CALD1: variants seen among roughly 807,000 people sequenced by gnomAD.
CALD1 encodes caldesmon 1, also known as caldesmon.
A neutral mutation model predicts 99.9 loss-of-function variants in CALD1; 33 were observed. The observed-to-expected ratio is 0.33, with a 90% CI of 0.25 to 0.44. The LOEUF (loss-of-function observed/expected upper bound fraction) is 0.44, where lower values mean the gene tolerates loss of function less well. Among genes scored for constraint, CALD1 ranks in the 20% least tolerant of loss-of-function variants. The pLI is 1.00. For synonymous variants in CALD1, 310 were observed against 325.0 expected, an observed-to-expected ratio of 0.95 and a Z score of 0.50; for missense variants, 861 against 962.1, an observed-to-expected ratio of 0.89 and a Z score of 1.39.
rs776987519 is a variant in CALD1 at position 134,935,719 on chromosome 7, A to G, written c.1340A>G (p.Lys447Arg). The G allele has an allele frequency of 1.2e-6, 2 of 1,606,022 alleles. No individual in the cohort carries two copies. Among genetic ancestry groups the G allele is most frequent in the Non-Finnish European group, 1.7e-6 (2 of 1,176,938 alleles). Reference sequence around the variant, plus strand: ...GAGAAGGGAACTAAAGTGCAAGCTAAAAGAGAAAAGCTCCAAGAAGACAAG... The same window carrying G: ...GAGAAGGGAACTAAAGTGCAAGCTAGAAGAGAAAAGCTCCAAGAAGACAAG... ...GEEKGTKVQAKREKLQEDKPT... is the reference protein window; with the variant it reads ...GEEKGTKVQARREKLQEDKPT... The change falls in exon 6 of 15, where the codon AAA (lysine) becomes AGA (arginine). Residue 447 changes from lysine (K) to arginine (R), a missense_variant. Physicochemically the swap from Lys to Arg is conservative, Grantham distance 26. Around this residue, in one of 5 missense-constraint regions of CALD1, gnomAD observed 293 missense variants for 262.7 expected, o/e 1.12. Coordinates refer to ENST00000361675, the MANE Select transcript of CALD1 (RefSeq NM_033138.4).
intron 2 of CALD1, among the ~76,000 whole-genome samples, chr7:134,857,155 A>ATTTT (rs1800336835): frequency 1.0e-5 from 1 of 96,144 alleles, no homozygotes; most frequent in African/African-American, 4.4e-5. Flanking sequence ...GTTTTGCGCT[A>ATTTT]TTCTTTTTTT....
intron 3 of CALD1, among the ~76,000 whole-genome samples, chr7:134,923,013 C>T (rs1804731114): frequency 6.6e-6 from 1 of 152,184 alleles, no homozygotes; most frequent in South Asian, 2.1e-4. Context: ...TTTCATGCTA[C>T]TCGTACAATC....
intron 3 of CALD1, among the ~76,000 whole-genome samples, chr7:134,878,327 G>A (rs1801443342): frequency 6.6e-6 from 1 of 152,136 alleles, no homozygotes; most frequent in Admixed American, 6.5e-5. Flanking sequence ...TCAGCACTTT[G>A]GGAGGCTGAG....
chr7:134,897,917 C>A (rs900351230), intron 3 of CALD1, among the ~76,000 whole-genome samples: 1 of 151,922 alleles, frequency 6.6e-6, no homozygotes, highest in Non-Finnish European at 1.5e-5. Flanking sequence ...CTGTATTGCC[C>A]ATGCTGGTCT....
chr7:134,827,816 C>T (rs71530948), intron 1 of CALD1, among the ~76,000 whole-genome samples: 3 of 152,260 alleles, frequency 2.0e-5, no homozygotes, highest in African/African-American at 7.2e-5. Context: ...TTAAAGCTAC[C>T]GGATTTAACA....
chr7:134,903,559 G>A (rs910490381), intron 3 of CALD1, among the ~76,000 whole-genome samples: 2 of 152,120 alleles, frequency 1.3e-5, no homozygotes, highest in Non-Finnish European at 2.9e-5. Context: ...CACTTCTGGT[G>A]GTTTGGCAGC....
At chr7:134,821,688 T>G (rs1262435211) in intron 1 of CALD1, among the ~76,000 whole-genome samples, 1 of 150,048 alleles carries the variant, frequency 6.7e-6, no homozygotes, top group Non-Finnish European at 1.5e-5. Context: ...GTTCAAGTGA[T>G]TCTCCTGCCT....
upstream of CALD1, among the ~76,000 whole-genome samples, chr7:134,744,074 G>A (rs1478685211): frequency 6.6e-6 from 1 of 152,216 alleles, no homozygotes; most frequent in Non-Finnish European, 1.5e-5. Flanking sequence ...AGCCATGGTC[G>A]AGGGGAAGAC....
At chr7:134,902,375 T>A (rs773146273) in intron 3 of CALD1, among the ~76,000 whole-genome samples, 7 of 152,130 alleles carry the variant, frequency 4.6e-5, no homozygotes, top group Non-Finnish European at 8.8e-5. Context: ...TTCCCTTTCC[T>A]GTATATATGT....
chr7:134,821,930 T>C (rs1410145184), intron 1 of CALD1: 1 of 152,112 alleles, frequency 6.6e-6, no homozygotes, highest in Non-Finnish European at 1.5e-5. Context: ...TAGAGAGAGA[T>C]AGTTGACTCT....
intron 3 of CALD1, among the ~76,000 whole-genome samples, chr7:134,908,511 C>G (rs906125331): frequency 2.6e-5 from 4 of 152,144 alleles, no homozygotes; most frequent in Non-Finnish European, 5.9e-5. Context: ...CCACAGTGTT[C>G]TTAAGTCACT....
rs10259303 is a variant in CALD1, at chr7:134,821,298, C to T, written c.-129-22586C>T. ...CTTTTAGTTTTTTTCATAATTTTAA[C>T]TTTTAAAAACCCATATCTCATTGTA... On this transcript the variant is annotated intron_variant, in intron 1 of 14. Transcript: ENST00000361675. Among the ~76,000 whole-genome samples the T allele has an allele frequency of 1.2e-3, 190 of 152,068 alleles. 1 individual carries two copies. Among genetic ancestry groups the T allele is most frequent in the African/African-American group, 4.3e-3 (178 of 41,518 alleles).
At chr7:134,958,856 G>C (rs1355243642) in intron 11 of CALD1, among the ~76,000 whole-genome samples, 1 of 129,130 alleles carries the variant, frequency 7.7e-6, no homozygotes, top group Admixed American at 8.0e-5. Flanking sequence ...GTAACGAATG[G>C]GTTTACTGGT....
At chr7:134,837,436 G>T (rs1711078761) in intron 1 of CALD1, among the ~76,000 whole-genome samples, 1 of 151,690 alleles carries the variant, frequency 6.6e-6, no homozygotes. Context: ...TCCATCTCCT[G>T]GGTTCATGCG....
chr7:134,774,797 C>T (rs1021136377), upstream of CALD1, among the ~76,000 whole-genome samples: 11 of 152,164 alleles, frequency 7.2e-5, no homozygotes, highest in Non-Finnish European at 1.6e-4. Context: ...TTCCATAGTC[C>T]AAAATTTGCC....
At chr7:134,905,922 C>CTTTTTTT (rs5887716) in intron 3 of CALD1, among the ~76,000 whole-genome samples, 11 of 94,802 alleles carry the variant, frequency 1.2e-4, no homozygotes, top group Non-Finnish European at 2.0e-4. Flanking sequence ...CTCTCTATAT[C>CTTTTTTT]TTTTTTTTTT....
the CALD1 span, among the ~76,000 whole-genome samples, chr7:134,714,645 C>T: frequency 6.6e-6 from 1 of 152,236 alleles, no homozygotes; most frequent in Non-Finnish European, 1.5e-5. Context: ...ATAGAGCTAG[C>T]TCATAGGCAG....
chr7:134,857,157 T>A (rs1800337188), intron 2 of CALD1, among the ~76,000 whole-genome samples: 1 of 128,878 alleles, frequency 7.8e-6, no homozygotes, highest in African/African-American at 3.1e-5. Flanking sequence ...TTTGCGCTAT[T>A]CTTTTTTTTT....
the CALD1 span, among the ~76,000 whole-genome samples, chr7:134,720,949 T>A: frequency 6.6e-6 from 1 of 152,222 alleles, no homozygotes. Context: ...AACCATAGAT[T>A]ATAAAAGTAA....
Sources: allele counts gnomAD v4.1 joint callset (sites outside exome capture counted in the v4.1 genomes callset), GRCh38; gene constraint gnomAD v4.1.1; regional missense constraint gnomAD v4.1.1; transcripts MANE v1.5; gene names NCBI Gene and HGNC (gene_info 2026-07-23, HGNC 2026-07-21).